EGF: variants seen among roughly 807,000 people sequenced by gnomAD.
The protein encoded by EGF is epidermal growth factor, also known as pro-epidermal growth factor.
EGF carries 95 observed loss-of-function variants against 143.8 expected under a neutral mutation model. That is an observed-to-expected ratio of 0.66 (90% CI 0.56 to 0.78). The LOEUF (loss-of-function observed/expected upper bound fraction) is 0.78, where lower values mean the gene tolerates loss of function less well. EGF is among the 30% of genes least tolerant of loss of function. The pLI, the probability that EGF is intolerant of heterozygous loss-of-function variation, is 0.00. For missense variants in EGF, 1,320 were observed against 1,470.9 expected (o/e 0.90, Z 1.68); for synonymous variants, 510 against 510.5 (o/e 1.00, Z 0.01).
intron 13 of EGF, among the ~76,000 whole-genome samples, chr4:109,977,933 C>T (rs959126963): frequency 2.7e-4 from 41 of 152,108 alleles, no homozygotes; most frequent in Admixed American, 2.4e-3. Flanking sequence ...ATTTCTAACC[C>T]GAATGTGAGG....
chr4:110,008,002 G>C, intron 22 of EGF, 150 bp from the exon 23 acceptor site: 1 of 751,796 alleles, frequency 1.3e-6, no homozygotes, highest in Non-Finnish European at 2.3e-6. Flanking sequence ...TCTCTCTTTA[G>C]ATAGAAAGAC....
intron 7 of EGF, among the ~76,000 whole-genome samples, chr4:109,961,569 T>C (rs1388674185): frequency 6.6e-6 from 1 of 152,230 alleles, no homozygotes; most frequent in Admixed American, 6.5e-5. Flanking sequence ...CATTTCATTG[T>C]ATATCTCTAA....
Position 109,945,089 on chromosome 4 carries a change from A to G in EGF, c.754A>G (p.Met252Val), listed in dbSNP as rs752195298. The change falls in exon 5 of 24, where the codon ATG (methionine) becomes GTG (valine). Residue 252 changes from methionine to valine, a missense_variant. This residue lies in a region of EGF where 1,186 missense variants were observed against 1,313.7 expected (regional missense o/e 0.90). Coordinates refer to ENST00000265171, the MANE Select transcript of EGF (RefSeq NM_001963.6). ...GCTTTTTAGGCATAATTTGTTTGCA[A>G]TGTCCCTTTTTGGTGACCGTATCTT... ...KHPTQHNLFA[M>V]SLFGDRIFYS... 3 of 1,614,190 alleles carry G rather than the reference A, an allele frequency of 1.9e-6. No homozygotes were observed. Among genetic ancestry groups the G allele is most frequent in the Non-Finnish European group, 2.5e-6 (3 of 1,180,032 alleles).
At chr4:109,959,148 C>A in intron 5 of EGF, 164 bp from the exon 6 acceptor site, 2 of 1,072,652 alleles carry the variant, frequency 1.9e-6, no homozygotes, top group Non-Finnish European at 2.7e-6. Flanking sequence ...AAAAAGTGGG[C>A]TTCGGGATGC....
chr4:109,959,220 G>T lies in EGF; in HGVS notation c.941-92G>T. ...AGAGATGCAGCTGTAGACGTTGTAGGGAGGTAAGACCTCTTAAGAATCAGG... is the reference window on the plus strand; with the variant it reads ...AGAGATGCAGCTGTAGACGTTGTAGTGAGGTAAGACCTCTTAAGAATCAGG... On this transcript the variant is annotated intron_variant, in intron 5 of 23. Transcript: ENST00000265171. The T allele has an allele frequency of 3.8e-6, 6 of 1,581,788 alleles. No homozygotes were observed. The East Asian group carries it at 1.4e-4, about 36-fold the overall frequency.
intron 21 of EGF, chr4:110,004,299 C>T (rs1752972409): frequency 1.6e-6 from 1 of 640,788 alleles, no homozygotes; most frequent in Non-Finnish European, 2.8e-6. Context: ...AAGAGTGAAA[C>T]ACTGTCTGGA....
At chr4:109,960,370 C>T (rs562842048) in intron 6 of EGF, among the ~76,000 whole-genome samples, 1 of 152,180 alleles carries the variant, frequency 6.6e-6, no homozygotes, top group African/African-American at 2.4e-5. Context: ...CTGGGCCAGG[C>T]GTGGTGACTC....
intron 2 of EGF, among the ~76,000 whole-genome samples, chr4:109,941,876 C>A (rs1579538409): frequency 6.6e-6 from 1 of 152,146 alleles, no homozygotes; most frequent in Non-Finnish European, 1.5e-5. Context: ...CTGGTAGAAC[C>A]CTTACATGAG....
At chr4:109,916,679 A>G (rs549434464) in intron 1 of EGF, among the ~76,000 whole-genome samples, 7 of 152,134 alleles carry the variant, frequency 4.6e-5, no homozygotes, top group Admixed American at 2.0e-4. Context: ...CTGAGTTAAT[A>G]TATGTAAAGT....
At chr4:109,915,672 T>A (rs950002944) in intron 1 of EGF, among the ~76,000 whole-genome samples, 1 of 152,250 alleles carries the variant, frequency 6.6e-6, no homozygotes, top group Non-Finnish European at 1.5e-5. Context: ...CCTCTCTAAA[T>A]AGATATGGTG....
At chr4:109,967,710 G>T (rs1002643663) in intron 10 of EGF, among the ~76,000 whole-genome samples, 1 of 152,144 alleles carries the variant, frequency 6.6e-6, no homozygotes, top group African/African-American at 2.4e-5. Flanking sequence ...GCATTGGCAA[G>T]AAATCTTCTG....
At chr4:109,939,487 T>G (rs1016082537) in intron 1 of EGF, among the ~76,000 whole-genome samples, 3 of 152,216 alleles carry the variant, frequency 2.0e-5, no homozygotes, top group African/African-American at 7.2e-5. Context: ...CCTGACCCCT[T>G]GCACTTCCCA....
chr4:109,931,413 C>T (rs1480202178), intron 1 of EGF, among the ~76,000 whole-genome samples: 5 of 152,074 alleles, frequency 3.3e-5, no homozygotes, highest in Admixed American at 6.6e-5. Flanking sequence ...CAATTGGCTA[C>T]GCAAAGAAAA....
At chr4:109,979,577 A>T (rs1388855116) in intron 13 of EGF, among the ~76,000 whole-genome samples, 1 of 152,206 alleles carries the variant, frequency 6.6e-6, no homozygotes, top group Non-Finnish European at 1.5e-5. Flanking sequence ...TGCTGCTCAA[A>T]AGAGTAGGAA....
At position 109,947,295 on chromosome 4, in the gene EGF, G is replaced by T. The variant is rs373968267; in HGVS notation, c.940+2020G>T. 7.9e-5 allele frequency among the ~76,000 whole-genome samples: 12 copies of T among 151,906 alleles called. 1 individual carries two copies. The highest frequency in any genetic ancestry group is 5.9e-4 in the Admixed American group (9 of 15,254). ...TATGTAAAAGTTTTATTTCAAGAAG[G>T]TTTTAAAATATATTTAATGTTAGCC... On this transcript the variant is annotated intron_variant, in intron 5 of 23. Coordinates refer to ENST00000265171, the MANE Select transcript of EGF (RefSeq NM_001963.6).
At chr4:109,996,024 A>C (rs958366754) in intron 20 of EGF, among the ~76,000 whole-genome samples, 19 of 152,180 alleles carry the variant, frequency 1.2e-4, no homozygotes, top group Non-Finnish European at 2.1e-4. Flanking sequence ...TGCAATAGTT[A>C]TTGCTAGTTT....
chr4:109,999,698 G>A lies in EGF; in HGVS notation c.3025G>A (p.Gly1009Arg), dbSNP rs775725663. ...TCACAGCTGTGTTGTTGGCTACATCGGGGAGCGATGTCAGTACCGAGACCT... is the reference window on the plus strand; with the variant it reads ...TCACAGCTGTGTTGTTGGCTACATCAGGGAGCGATGTCAGTACCGAGACCT... ...YACNCVVGYI[G>R]ERCQYRDLKW... The change falls in exon 21 of 24, where the codon GGG becomes AGG. Residue 1009 changes from glycine (G) to arginine (R), a missense_variant. By Grantham distance (125) the Gly-to-Arg change is moderately radical. This residue lies in a region of EGF where 1,186 missense variants were observed against 1,313.7 expected (regional missense o/e 0.90). Coordinates refer to ENST00000265171, the MANE Select transcript of EGF (RefSeq NM_001963.6). 6.2e-6 allele frequency: 10 copies of A among 1,613,962 alleles called. No homozygotes were observed. The highest frequency in any genetic ancestry group is 1.6e-4 in the Middle Eastern group (1 of 6,084).
intron 13 of EGF, among the ~76,000 whole-genome samples, chr4:109,977,821 C>G (rs529207460): frequency 2.6e-5 from 4 of 152,040 alleles, no homozygotes; most frequent in Non-Finnish European, 4.4e-5. Flanking sequence ...GCCTGGGTGA[C>G]GGAGTGAAAC....
At chr4:109,985,729 A>G (rs1750024067) in intron 16 of EGF, among the ~76,000 whole-genome samples, 1 of 152,202 alleles carries the variant, frequency 6.6e-6, no homozygotes, top group Non-Finnish European at 1.5e-5. Context: ...CTGTACTTCA[A>G]TAACTAATTA....
Sources: allele counts gnomAD v4.1 joint callset (sites outside exome capture counted in the v4.1 genomes callset), GRCh38; gene constraint gnomAD v4.1.1; regional missense constraint gnomAD v4.1.1; transcripts MANE v1.5; gene names NCBI Gene and HGNC (gene_info 2026-07-23, HGNC 2026-07-21).